The following SLC16A2 variants were observed in gnomAD, a reference collection of about 807,000 sequenced individuals.
The protein encoded by SLC16A2 is solute carrier family 16 member 2.
SLC16A2 carries 3 observed loss-of-function variants against 27.2 expected under a neutral mutation model. That is an observed-to-expected ratio of 0.11 (90% CI 0.05 to 0.28). The LOEUF is 0.28. Ranked by LOEUF, SLC16A2 falls within the 10% of genes least tolerant of loss-of-function variation. The pLI, the probability that SLC16A2 is intolerant of heterozygous loss-of-function variation, is 1.00. For missense variants in SLC16A2, 295 were observed against 458.5 expected (o/e 0.64, Z 3.26); for synonymous variants, 202 against 187.8 (o/e 1.08, Z -0.62).
At chrX:74,430,523 A>G (rs1313768989) in intron 1 of SLC16A2, among the ~76,000 whole-genome samples, 5 of 112,262 alleles carry the variant, frequency 4.5e-5, no homozygotes, top group Non-Finnish European at 9.4e-5. Flanking sequence ...ACCCAGATCT[A>G]TATGCAAAGC....
intron 1 of SLC16A2, among the ~76,000 whole-genome samples, chrX:74,438,902 T>C (rs1051118790): frequency 1.7e-4 from 19 of 112,100 alleles, no homozygotes; most frequent in African/African-American, 5.8e-4. Flanking sequence ...GTCCAGTTGC[T>C]CTTTGAATAG....
chrX:74,519,345 T>A (rs1222430845), intron 1 of SLC16A2, among the ~76,000 whole-genome samples: 2 of 107,233 alleles, frequency 1.9e-5, no homozygotes, highest in African/African-American at 6.7e-5. Context: ...ACCCAGCTAA[T>A]TTTTTGTATT....
chrX:74,429,340 C>T (rs1928488058), intron 1 of SLC16A2, among the ~76,000 whole-genome samples: 1 of 110,202 alleles, frequency 9.1e-6, no homozygotes, highest in African/African-American at 3.3e-5. Context: ...GGCATAGTGG[C>T]ACATGCCTGT....
At chrX:74,432,444 G>A (rs887747637) in intron 1 of SLC16A2, among the ~76,000 whole-genome samples, 1 of 111,620 alleles carries the variant, frequency 9.0e-6, no homozygotes, top group Non-Finnish European at 1.9e-5. Flanking sequence ...TGGCCACTAA[G>A]GGAGTTTTCA....
At chrX:74,501,273 A>T (rs1311764086) in intron 1 of SLC16A2, among the ~76,000 whole-genome samples, 4 of 111,076 alleles carry the variant, frequency 3.6e-5, no homozygotes, top group Admixed American at 2.9e-4. Context: ...CAATTGCCAT[A>T]TTATTCTTTA....
chrX:74,522,695 T>C (rs1930425635), intron 2 of SLC16A2, among the ~76,000 whole-genome samples: 1 of 112,120 alleles, frequency 8.9e-6, no homozygotes, highest in South Asian at 3.7e-4. Flanking sequence ...GGAGCTCAGA[T>C]GTGGTGTTTT....
chrX:74,472,904 G>A, intron 1 of SLC16A2: 1 of 340,001 alleles, frequency 2.9e-6, no homozygotes, highest in Non-Finnish European at 5.3e-6. Context: ...CTGCTTTGTA[G>A]CAGCTAGGCC....
intron 1 of SLC16A2, among the ~76,000 whole-genome samples, chrX:74,475,403 G>A (rs1418736839): frequency 7.4e-4 from 79 of 106,220 alleles, no homozygotes; most frequent in African/African-American, 2.4e-3. Context: ...TGAGTAGGTT[G>A]CAAAAATTTT....
At chrX:74,500,187 G>C (rs1249884081) in intron 1 of SLC16A2, among the ~76,000 whole-genome samples, 2 of 110,788 alleles carry the variant, frequency 1.8e-5, no homozygotes, top group Non-Finnish European at 3.8e-5. Context: ...CTGGCGTAAG[G>C]TCTGCCCCAC....
At chrX:74,473,974 C>T in intron 1 of SLC16A2, 1 of 299,157 alleles carries the variant, frequency 3.3e-6, no homozygotes, top group Non-Finnish European at 6.1e-6. Context: ...TGAAGACAGA[C>T]TTTAATGACG....
At chrX:74,525,513 G>T (rs1160847690) in intron 3 of SLC16A2, among the ~76,000 whole-genome samples, 1 of 111,571 alleles carries the variant, frequency 9.0e-6, no homozygotes, top group Non-Finnish European at 1.9e-5. Flanking sequence ...TCTTGCTGGG[G>T]CTTAGAAGGG....
intron 1 of SLC16A2, among the ~76,000 whole-genome samples, chrX:74,505,732 C>T (rs1018898059): frequency 8.9e-6 from 1 of 112,275 alleles, no homozygotes; most frequent in Non-Finnish European, 1.9e-5. Flanking sequence ...CCCAGGTTTC[C>T]TTCCTAATGT....
At chrX:74,460,902 C>T (rs1194038004) in intron 1 of SLC16A2, among the ~76,000 whole-genome samples, 2 of 111,375 alleles carry the variant, frequency 1.8e-5, no homozygotes, top group African/African-American at 6.5e-5. Context: ...CCACCTGCCT[C>T]GGCCTCCCAA....
In SLC16A2 at chrX:74,439,317, C is replaced by CT. The variant is rs1300890889; in HGVS notation, c.430+17260dup. ...CCTTCCTTCCTTTCTTCCTTTCTTT[C>CT]TTTTTTTTTTGAGACAGGGCCTCAC... On this transcript the variant is annotated intron_variant, in intron 1 of 5. Transcript: ENST00000587091. 2.2e-4 allele frequency among the ~76,000 whole-genome samples: 19 copies of CT among 85,271 alleles called. No homozygotes were observed. The South Asian group carries it at 4.8e-3, about 22-fold the overall frequency. 74.0% of individuals were successfully genotyped at this position (85,271 alleles called of 115,157 possible).
intron 1 of SLC16A2, among the ~76,000 whole-genome samples, chrX:74,440,203 A>C (rs930009099): frequency 9.0e-6 from 1 of 111,303 alleles, no homozygotes; most frequent in African/African-American, 3.3e-5. Context: ...TTTATTGTCC[A>C]AATTGGGACA....
intron 1 of SLC16A2, chrX:74,473,147 G>A: frequency 3.3e-6 from 2 of 597,976 alleles, no homozygotes; most frequent in South Asian, 4.4e-5. Context: ...AGTTTCATGG[G>A]TCCATAATTT....
chrX:74,454,661 G>A (rs1484694620), intron 1 of SLC16A2, among the ~76,000 whole-genome samples: 1 of 109,519 alleles, frequency 9.1e-6, no homozygotes, highest in Non-Finnish European at 1.9e-5. Flanking sequence ...ACACCAACAT[G>A]GCACATGTAT....
At chrX:74,486,286 C>T (rs1403627393) in intron 1 of SLC16A2, among the ~76,000 whole-genome samples, 1 of 112,093 alleles carries the variant, frequency 8.9e-6, no homozygotes, top group African/African-American at 3.2e-5. Context: ...TCCTGTCTCT[C>T]ACTGTCAGTA....
intron 5 of SLC16A2, among the ~76,000 whole-genome samples, chrX:74,529,688 G>C (rs1192473678): frequency 3.7e-5 from 4 of 108,281 alleles, no homozygotes; most frequent in African/African-American, 1.4e-4. Context: ...TTTTATTTCA[G>C]ACAGCAGGGA....
Sources: allele counts gnomAD v4.1 joint callset (sites outside exome capture counted in the v4.1 genomes callset), GRCh38; gene constraint gnomAD v4.1.1; transcripts MANE v1.5; gene names NCBI Gene and HGNC (gene_info 2026-07-23, HGNC 2026-07-21).